Variants in PSEN2 observed in about 807,000 individuals in gnomAD.
PSEN2 encodes presenilin-2.
In PSEN2, 32 loss-of-function variants were observed where a neutral mutation model predicts 49.1. That is an observed-to-expected ratio of 0.65 (90% confidence interval 0.49 to 0.88). PSEN2 has a LOEUF of 0.88. PSEN2 is among the 40% of genes least tolerant of loss of function. PSEN2 has a pLI of 0.00. For missense variants in PSEN2, 522 were observed against 586.9 expected (o/e 0.89, Z 1.14); for synonymous variants, 255 against 244.0 (o/e 1.05, Z -0.42).
intron 9 of PSEN2, 63 bp downstream of exon 9, chr1:226,890,196 G>C: frequency 7.2e-7 from 1 of 1,380,788 alleles, no homozygotes; most frequent in Non-Finnish European, 1.0e-6. Context: ...GGGGGGACAG[G>C]GGCCTGCTTC....
intron 10 of PSEN2, 128 bp downstream of exon 10, chr1:226,891,489 A>G (rs1661742600): frequency 3.4e-6 from 3 of 872,734 alleles, no homozygotes; most frequent in South Asian, 3.2e-5. Flanking sequence ...AGGTCCGTTG[A>G]AAACCAGCCG....
At chr1:226,891,714 A>G (rs774972844) in intron 10 of PSEN2, 29 bp from the exon 11 acceptor site, 2 of 1,561,604 alleles carry the variant, frequency 1.3e-6, no homozygotes, top group Middle Eastern at 1.7e-4. Context: ...CACGGTGATG[A>G]CGGACATCTT....
chr1:226,889,396 C>T (rs960743676), intron 8 of PSEN2, among the ~76,000 whole-genome samples: 1 of 152,146 alleles, frequency 6.6e-6, no homozygotes, highest in Non-Finnish European at 1.5e-5. Context: ...CCTGCCTCAG[C>T]CTCCTGAGTA....
chr1:226,891,447 G>C lies in PSEN2; in HGVS notation c.970+86G>C, dbSNP rs1470745103. 5 of 1,207,060 alleles carry C rather than the reference G, an allele frequency of 4.1e-6. No homozygotes were observed. In the African/African-American group the frequency reaches 7.6e-5, roughly 18 times the overall value. 74.8% of individuals were successfully genotyped at this position (1,207,060 alleles called of 1,614,324 possible). ...CAGCTCTGCTCGGCCTGGCTTCCCTGAGAGGCATGAGTTCAGGAGGGGCAG... is the reference window on the plus strand; with the variant it reads ...CAGCTCTGCTCGGCCTGGCTTCCCTCAGAGGCATGAGTTCAGGAGGGGCAG... On this transcript the variant is annotated intron_variant, in intron 10 of 12. Transcript: ENST00000366783.
chr1:226,890,416 C>T (rs1049741027), intron 9 of PSEN2: 9 of 412,090 alleles, frequency 2.2e-5, no homozygotes, highest in Admixed American at 7.1e-5. Context: ...CCTGTGATCC[C>T]GCAGCCACCC....
rs1374317408 is a variant in PSEN2 at position 226,881,778 on chromosome 1, G to A, written c.-20-110G>A. 1.2e-5 allele frequency: 15 copies of A among 1,200,934 alleles called. No individual in the cohort carries two copies. The Admixed American group carries it at 2.0e-4, about 16-fold the overall frequency. 74.4% of individuals were successfully genotyped at this position (1,200,934 alleles called of 1,614,324 possible). On this transcript the variant is annotated intron_variant, in intron 3 of 12. Coordinates refer to ENST00000366783, the MANE Select transcript of PSEN2 (RefSeq NM_000447.3). ...GACAGGCATCTCTTGGAAGCTTTTGGGGCAGGACTTGTGTCCAAGTCTCCA... is the reference window on the plus strand; with the variant it reads ...GACAGGCATCTCTTGGAAGCTTTTGAGGCAGGACTTGTGTCCAAGTCTCCA...
At chr1:226,889,826 C>A (rs1661618802) in intron 8 of PSEN2, among the ~76,000 whole-genome samples, 1 of 152,230 alleles carries the variant, frequency 6.6e-6, no homozygotes, top group Non-Finnish European at 1.5e-5. Context: ...GTGCACAGCT[C>A]CTCCATGCTT....
At chr1:226,893,770 C>T (rs940735435) in intron 11 of PSEN2, among the ~76,000 whole-genome samples, 8 of 152,174 alleles carry the variant, frequency 5.3e-5, no homozygotes, top group Non-Finnish European at 7.3e-5. Flanking sequence ...CAGAACTGCC[C>T]GCTTTTCTCT....
chr1:226,891,391 C>T (rs751902749), intron 10 of PSEN2, 30 bp downstream of exon 10: 1 of 1,581,226 alleles, frequency 6.3e-7, no homozygotes, highest in South Asian at 1.1e-5. Flanking sequence ...AACAGCCTCT[C>T]ATCACTGGGG....
intron 4 of PSEN2, among the ~76,000 whole-genome samples, chr1:226,883,096 G>A (rs1052530621): frequency 3.3e-5 from 5 of 152,136 alleles, no homozygotes; most frequent in African/African-American, 9.7e-5. Flanking sequence ...GCCCTCCCTC[G>A]TTACCTCCTC....
intron 5 of PSEN2, 125 bp from the exon 6 acceptor site, chr1:226,885,411 TCA>T (rs1661290598): frequency 3.0e-5 from 32 of 1,069,934 alleles, no homozygotes; most frequent in Non-Finnish European, 4.3e-5. Flanking sequence ...CCGCACTCCA[TCA>T]GGGCAGCATG....
chr1:226,880,400 C>A, intron 3 of PSEN2: 1 of 833,824 alleles, frequency 1.2e-6, no homozygotes, highest in Non-Finnish European at 1.7e-6. Context: ...AAAAAAATCA[C>A]ATATATTGTG....
chr1:226,891,593 G>C (rs1322949205), intron 10 of PSEN2, 150 bp from the exon 11 acceptor site: 22 of 809,096 alleles, frequency 2.7e-5, no homozygotes, highest in South Asian at 3.0e-5. Context: ...TGGGTGGAGT[G>C]GGGGAAGCCC....
In PSEN2 at chr1:226,872,382, T is replaced by G. The variant is rs543086662; in HGVS notation, c.-207+978T>G. On this transcript the variant is annotated intron_variant, in intron 2 of 12. Coordinates refer to ENST00000366783, the MANE Select transcript of PSEN2 (RefSeq NM_000447.3). Reference sequence around the variant, plus strand: ...ACACTGAAATAGTTTATTATTACCTTTTTACAGAAGAGGAAACAAGTTCAG... The same window carrying G: ...ACACTGAAATAGTTTATTATTACCTGTTTACAGAAGAGGAAACAAGTTCAG... 2.6e-5 allele frequency among the ~76,000 whole-genome samples: 4 copies of G among 152,374 alleles called. No homozygotes were observed. In the East Asian group the frequency reaches 7.7e-4, roughly 29 times the overall value.
intron 3 of PSEN2, among the ~76,000 whole-genome samples, chr1:226,878,703 G>A (rs529740499): frequency 6.6e-6 from 1 of 152,270 alleles, no homozygotes; most frequent in Admixed American, 6.5e-5. Flanking sequence ...GAGCTTAAGA[G>A]GCATGGGAAG....
At chr1:226,892,775 C>G (rs1017655133) in intron 11 of PSEN2, among the ~76,000 whole-genome samples, 4 of 152,170 alleles carry the variant, frequency 2.6e-5, no homozygotes, top group Non-Finnish European at 5.9e-5. Context: ...TGGCCTCCCT[C>G]CAGACACCAG....
At chr1:226,900,149 C>T (rs989224915), downstream of PSEN2, among the ~76,000 whole-genome samples, 2 of 152,102 alleles carry the variant, frequency 1.3e-5, no homozygotes, top group African/African-American at 4.8e-5. Flanking sequence ...TGGAAATGGG[C>T]CCCGGGAGGC....
At chr1:226,893,397 G>A (rs1661892278) in intron 11 of PSEN2, among the ~76,000 whole-genome samples, 1 of 152,194 alleles carries the variant, frequency 6.6e-6, no homozygotes, top group Admixed American at 6.5e-5. Context: ...GGCCTCCATG[G>A]TTTGTGTTTA....
At chr1:226,895,376 G>A in intron 12 of PSEN2, 48 bp from the exon 13 acceptor site, 4 of 1,610,516 alleles carry the variant, frequency 2.5e-6, no homozygotes, top group Non-Finnish European at 3.4e-6. Flanking sequence ...CACAGCTCCT[G>A]TCCACACCAG....
Sources: gnomAD v4.1 joint callset for allele counts (sites outside exome capture counted in the v4.1 genomes callset) on GRCh38, gnomAD v4.1.1 for gene constraint, MANE v1.5 for transcripts, NCBI Gene and HGNC (gene_info 2026-07-23, HGNC 2026-07-21) for gene names.